The following MAN1C1 variants were observed in gnomAD, a reference collection of about 807,000 sequenced individuals.
MAN1C1 encodes the protein mannosidase alpha class 1C member 1.
Under a neutral mutation model 71.5 loss-of-function variants are expected in MAN1C1, and 49 were observed. The observed-to-expected ratio is 0.69, with a 90% CI of 0.54 to 0.87. The LOEUF (loss-of-function observed/expected upper bound fraction) is 0.87, where lower values mean the gene tolerates loss of function less well. Ranked by LOEUF, MAN1C1 falls within the 40% of genes least tolerant of loss-of-function variation. The pLI, the probability that MAN1C1 is intolerant of heterozygous loss-of-function variation, is 0.00. For synonymous variants in MAN1C1, 352 were observed against 343.7 expected (o/e 1.02, Z -0.27); for missense variants, 743 against 835.0 (o/e 0.89, Z 1.36).
At chr1:25,781,155 C>A (rs1338699362) in intron 10 of MAN1C1, 43 bp downstream of exon 10, 2 of 1,598,810 alleles carry the variant, frequency 1.3e-6, no homozygotes, top group South Asian at 2.2e-5. Context: ...CTAGATGCCC[C>A]TGAGAATTTA....
intron 8 of MAN1C1, among the ~76,000 whole-genome samples, chr1:25,773,206 A>G (rs1208787388): frequency 6.8e-6 from 1 of 146,872 alleles, no homozygotes; most frequent in East Asian, 2.2e-4. Flanking sequence ...GCATGGGTGC[A>G]TGAATGCTGA....
chr1:25,776,379 C>T lies in MAN1C1; in HGVS notation c.1258-1726C>T, dbSNP rs1013003098. 1.3e-5 allele frequency among the ~76,000 whole-genome samples: 2 copies of T among 152,006 alleles called. No homozygotes were observed. Among genetic ancestry groups the T allele is most frequent in the Admixed American group, 6.5e-5 (1 of 15,280 alleles). ...CAGCCTGGCCAACATGGTGAAACCC[C>T]ATCTCTACTAAAAATACAAAAATTA... On this transcript the variant is annotated intron_variant, in intron 8 of 11. Transcript: ENST00000374332. The surrounding 1 kb of genome is among the most constrained non-coding windows in gnomAD (Gnocchi z 4.3).
At chr1:25,623,534 C>G (rs1424613260) in intron 1 of MAN1C1, among the ~76,000 whole-genome samples, 2 of 152,108 alleles carry the variant, frequency 1.3e-5, no homozygotes, top group African/African-American at 2.4e-5. Flanking sequence ...TGCTTTTTCT[C>G]TAGCTTTCCC....
chr1:25,739,304 A>T (rs1236256622), intron 2 of MAN1C1, among the ~76,000 whole-genome samples: 1 of 152,196 alleles, frequency 6.6e-6, no homozygotes, highest in East Asian at 1.9e-4. Context: ...GCTGCCTTTG[A>T]AAAGATGGTC....
rs552039299 is a variant in MAN1C1, at chr1:25,738,675, G to A, written c.638-7993G>A. Among the ~76,000 whole-genome samples the A allele has an allele frequency of 5.3e-5, 8 of 152,328 alleles. No homozygotes were observed. In the East Asian group the frequency reaches 1.5e-3, roughly 29 times the overall value. On this transcript the variant is annotated intron_variant, in intron 2 of 11. Coordinates refer to ENST00000374332, the MANE Select transcript of MAN1C1 (RefSeq NM_020379.4). ...ATTATCTGGAAGCTTTTTGAGTCAT[G>A]CGTTGCAATTGATGCTGGCTGTTGG...
At chr1:25,708,092 T>A (rs1028208379) in intron 2 of MAN1C1, among the ~76,000 whole-genome samples, 11 of 152,212 alleles carry the variant, frequency 7.2e-5, no homozygotes, top group African/African-American at 2.4e-4. Flanking sequence ...AAAGTAAGTT[T>A]ATTGAGAAAG....
At chr1:25,664,325 ACAC>A (rs1447545909) in intron 1 of MAN1C1, among the ~76,000 whole-genome samples, 1 of 151,852 alleles carries the variant, frequency 6.6e-6, no homozygotes, top group Non-Finnish European at 1.5e-5. Context: ...TGATTTTTAG[ACAC>A]CACAATAGTT....
intron 1 of MAN1C1, among the ~76,000 whole-genome samples, chr1:25,674,641 C>T (rs746802897): frequency 2.0e-5 from 3 of 151,972 alleles, no homozygotes; most frequent in Admixed American, 6.5e-5. Context: ...GTCCAAGGAG[C>T]GGGACTATTG....
At chr1:25,774,572 C>T (rs1032429776) in intron 8 of MAN1C1, among the ~76,000 whole-genome samples, 15 of 152,192 alleles carry the variant, frequency 9.9e-5, no homozygotes, top group African/African-American at 3.6e-4. Flanking sequence ...AAGGAACAGC[C>T]AGCGCCAGGC....
At position 25,699,256 on chromosome 1, in the gene MAN1C1, C is replaced by T. The variant is rs565419049; in HGVS notation, c.637+12720C>T. Among the ~76,000 whole-genome samples the T allele has an allele frequency of 5.3e-5, 8 of 150,148 alleles. No homozygotes were observed. In the South Asian group the frequency reaches 1.1e-3, roughly 20 times the overall value. On this transcript the variant is annotated intron_variant, in intron 2 of 11. Transcript: ENST00000374332. Reference sequence around the variant, plus strand: ...TCGAGATTGCGGTGAGCTGAGATTGCGCCATTGCACTCCAGCCTGGGCAAC... The same window carrying T: ...TCGAGATTGCGGTGAGCTGAGATTGTGCCATTGCACTCCAGCCTGGGCAAC...
In MAN1C1 at chr1:25,783,807, G is replaced by T; in HGVS notation, c.*18G>T. 1.9e-6 allele frequency: 3 copies of T among 1,605,192 alleles called. No homozygotes were observed. Among genetic ancestry groups the T allele is most frequent in the Non-Finnish European group, 2.5e-6 (3 of 1,178,276 alleles). On this transcript the variant is annotated 3_prime_UTR_variant, in exon 12 of 12. Transcript: ENST00000374332. ...GACACTGACCCCATCTCCTGCCGCC[G>T]CCCTGGGGCCGCCGCAGGGATGCCT... is the stretch of plus-strand genomic sequence containing the variant.
intron 4 of MAN1C1, among the ~76,000 whole-genome samples, chr1:25,749,780 G>A (rs1046937355): frequency 2.6e-5 from 4 of 152,182 alleles, no homozygotes; most frequent in South Asian, 2.1e-4. Flanking sequence ...CTTTTCACAA[G>A]TGTTGGTTCT....
intron 1 of MAN1C1, among the ~76,000 whole-genome samples, chr1:25,647,239 G>A (rs1456539823): frequency 1.3e-5 from 2 of 152,152 alleles, no homozygotes; most frequent in Non-Finnish European, 2.9e-5. Context: ...CCTCAGGGGT[G>A]GCTGAGCCCT....
chr1:25,761,622 T>TC (rs1479246405), intron 6 of MAN1C1: 1 of 134,714 alleles, frequency 7.4e-6, no homozygotes, highest in Non-Finnish European at 1.6e-5. Flanking sequence ...CTCTACTTCT[T>TC]TTTTTTTTTT....
At chr1:25,723,903 G>A (rs552592979) in intron 2 of MAN1C1, among the ~76,000 whole-genome samples, 3 of 152,306 alleles carry the variant, frequency 2.0e-5, no homozygotes, top group South Asian at 2.1e-4. Context: ...CCTGGGCTGC[G>A]GGATACTGTA....
Position 25,778,189 on chromosome 1 carries a change from A to T in MAN1C1, c.1342A>T (p.Met448Leu). The T allele has an allele frequency of 6.2e-7, 1 of 1,612,936 alleles. No homozygotes were observed. Among genetic ancestry groups the T allele is most frequent in the Non-Finnish European group, 8.5e-7 (1 of 1,179,360 alleles). The change falls in exon 9 of 12, where the codon ATG becomes TTG. Residue 448 changes from methionine (M) to leucine (L), a missense_variant. Coordinates refer to ENST00000374332, the MANE Select transcript of MAN1C1 (RefSeq NM_020379.4). The surrounding 1 kb of genome is among the most constrained non-coding windows in gnomAD (Gnocchi z 5.5). ...GCGAGGGGGGATTCTGGACCACAAG[A>T]TGGGGCACCTGGCCTGTTTCTCCGG... ...EWRGGILDHK[M>L]GHLACFSGGM...
intron 2 of MAN1C1, among the ~76,000 whole-genome samples, chr1:25,712,886 A>G (rs2046632781): frequency 1.3e-5 from 2 of 152,146 alleles, no homozygotes; most frequent in Admixed American, 6.5e-5. Flanking sequence ...CCCAGCTGGA[A>G]TGGAATGAAA....
At chr1:25,696,072 G>A (rs2046365873) in intron 2 of MAN1C1, among the ~76,000 whole-genome samples, 1 of 152,250 alleles carries the variant, frequency 6.6e-6, no homozygotes, top group Non-Finnish European at 1.5e-5. Context: ...TGCTGGGGAT[G>A]TAGGAGATGA....
At chr1:25,768,939 A>G (rs1478895969) in intron 7 of MAN1C1, among the ~76,000 whole-genome samples, 2 of 105,784 alleles carry the variant, frequency 1.9e-5, no homozygotes, top group East Asian at 5.9e-4. Flanking sequence ...TACACACTAC[A>G]CACACACACT....
Sources: allele counts gnomAD v4.1 joint callset (sites outside exome capture counted in the v4.1 genomes callset), GRCh38; gene constraint gnomAD v4.1.1; non-coding constraint Gnocchi (gnomAD v3.1); transcripts MANE v1.5; gene names NCBI Gene and HGNC (gene_info 2026-07-23, HGNC 2026-07-21).